GPC5: variants seen among roughly 807,000 people sequenced by gnomAD.
GPC5 encodes the protein glypican-5.
In GPC5, 47 loss-of-function variants were observed where a neutral mutation model predicts 53.9. The ratio of observed to expected loss-of-function variants is 0.87; its 90% CI spans 0.69 to 1.11. The LOEUF is 1.11. Ranked by LOEUF, GPC5 falls within the 50% of genes most tolerant of loss-of-function variation. GPC5 has a pLI of 0.00. For missense variants in GPC5, 748 were observed against 713.1 expected (o/e 1.05, Z -0.56); for synonymous variants, 286 against 263.3 (o/e 1.09, Z -0.84).
intron 6 of GPC5, among the ~76,000 whole-genome samples, chr13:91,956,164 C>G (rs926499176): frequency 2.6e-5 from 4 of 151,480 alleles, no homozygotes; most frequent in Non-Finnish European, 5.9e-5. Flanking sequence ...GTTCAGTTTT[C>G]TCCCCCCCAC....
At chr13:92,336,025 C>G (rs1403754092) in intron 7 of GPC5, among the ~76,000 whole-genome samples, 1 of 152,148 alleles carries the variant, frequency 6.6e-6, no homozygotes, top group African/African-American at 2.4e-5. Context: ...TTCCAGCTAG[C>G]AGTGGGCAAT....
intron 7 of GPC5, among the ~76,000 whole-genome samples, chr13:92,683,648 G>T (rs1304636030): frequency 6.6e-6 from 1 of 152,086 alleles, no homozygotes; most frequent in Admixed American, 6.5e-5. Flanking sequence ...GCATTTCAGT[G>T]TTGTTATTCA....
chr13:91,824,528 A>G (rs1367927806), intron 5 of GPC5, among the ~76,000 whole-genome samples: 1 of 152,152 alleles, frequency 6.6e-6, no homozygotes, highest in African/African-American at 2.4e-5. Flanking sequence ...TTAATGGTTT[A>G]TGATTTTGGA....
At chr13:92,724,903 C>CACACACAG (rs1555306847) in intron 7 of GPC5, among the ~76,000 whole-genome samples, 82 of 150,050 alleles carry the variant, frequency 5.5e-4, no homozygotes, top group African/African-American at 2.0e-3. Context: ...CACACACACA[C>CACACACAG]ACACACACAA....
At chr13:91,476,591 T>C (rs4773633) in intron 2 of GPC5, among the ~76,000 whole-genome samples, 16,250 of 152,192 alleles carry the variant, frequency 0.11, 1,050 homozygotes, top group East Asian at 0.15. Flanking sequence ...TTTTCTTCAA[T>C]AGTGATGCAG....
intron 7 of GPC5, among the ~76,000 whole-genome samples, chr13:92,774,402 A>G (rs1875724022): frequency 6.6e-6 from 1 of 152,154 alleles, no homozygotes; most frequent in Admixed American, 6.5e-5. Context: ...GGTGCATTGG[A>G]TAGTTTTTCC....
chr13:91,689,185 AT>A (rs1440334649), intron 2 of GPC5, among the ~76,000 whole-genome samples: 1 of 7,092 alleles, frequency 1.4e-4, no homozygotes, highest in Non-Finnish European at 2.8e-4. Flanking sequence ...TCATATATAA[AT>A]ATATATATAT....
chr13:91,464,969 T>G (rs852918), intron 2 of GPC5, among the ~76,000 whole-genome samples: 130,058 of 152,108 alleles, frequency 0.86, 56,274 homozygotes, highest in Non-Finnish European at 0.93. Flanking sequence ...TCTGTACATT[T>G]TTTTTTCTTT....
intron 7 of GPC5, among the ~76,000 whole-genome samples, chr13:92,518,630 A>C (rs942095912): frequency 6.6e-6 from 1 of 152,232 alleles, no homozygotes; most frequent in African/African-American, 2.4e-5. Flanking sequence ...TGAAGGAAAC[A>C]CTAAACATGG....
At chr13:91,661,291 T>C (rs1056464944) in intron 2 of GPC5, among the ~76,000 whole-genome samples, 3 of 152,222 alleles carry the variant, frequency 2.0e-5, no homozygotes, top group African/African-American at 7.2e-5. Flanking sequence ...GCAGAATATC[T>C]GGGCAGCATT....
intron 7 of GPC5, among the ~76,000 whole-genome samples, chr13:92,159,754 C>T (rs2041973304): frequency 6.6e-6 from 1 of 150,654 alleles, no homozygotes; most frequent in Admixed American, 6.6e-5. Context: ...AGGCGCCCGT[C>T]ACCACGCCCT....
intron 2 of GPC5, among the ~76,000 whole-genome samples, chr13:91,616,398 A>G (rs995633451): frequency 1.2e-4 from 18 of 152,246 alleles, no homozygotes; most frequent in African/African-American, 4.3e-4. Context: ...TGTTTCCTAT[A>G]AAGATGTCTA....
At chr13:91,833,411 A>G (rs1594604714) in intron 5 of GPC5, among the ~76,000 whole-genome samples, 1 of 152,162 alleles carries the variant, frequency 6.6e-6, no homozygotes, top group African/African-American at 2.4e-5. Context: ...CATCATCCTG[A>G]TAACAAAACC....
intron 7 of GPC5, among the ~76,000 whole-genome samples, chr13:92,663,591 A>ATC (rs925044573): frequency 1.9e-4 from 16 of 83,578 alleles, no homozygotes; most frequent in Admixed American, 9.2e-4. Context: ...ATATATATAT[A>ATC]TATCTACTAT....
At chr13:92,449,524 T>C (rs1199471551) in intron 7 of GPC5, among the ~76,000 whole-genome samples, 3 of 152,208 alleles carry the variant, frequency 2.0e-5, no homozygotes, top group Admixed American at 6.6e-5. Flanking sequence ...TGCTGTATTT[T>C]TATTAGAATA....
intron 7 of GPC5, among the ~76,000 whole-genome samples, chr13:92,773,695 G>A (rs1039898543): frequency 6.6e-6 from 1 of 152,108 alleles, no homozygotes; most frequent in East Asian, 1.9e-4. Flanking sequence ...CTTGCCACTT[G>A]ACTATCTAAT....
chr13:92,118,081 T>A (rs2041615254), intron 6 of GPC5, among the ~76,000 whole-genome samples: 1 of 151,856 alleles, frequency 6.6e-6, no homozygotes, highest in Non-Finnish European at 1.5e-5. Context: ...GCAGTTTTGG[T>A]TTTTTTGTTT....
At chr13:92,304,031 G>A (rs9301793) in intron 7 of GPC5, among the ~76,000 whole-genome samples, 16,371 of 152,008 alleles carry the variant, frequency 0.11, 1,324 homozygotes, top group African/African-American at 0.23. Context: ...CCATTCTATT[G>A]TTTACTGTTG....
chr13:92,516,182 A>C (rs1166691240), intron 7 of GPC5, among the ~76,000 whole-genome samples: 1 of 152,050 alleles, frequency 6.6e-6, no homozygotes, highest in Non-Finnish European at 1.5e-5. Flanking sequence ...TTAAATATAC[A>C]TTAATTATAA....
Sources: gnomAD v4.1 joint callset for allele counts (sites outside exome capture counted in the v4.1 genomes callset) on GRCh38, gnomAD v4.1.1 for gene constraint, MANE v1.5 for transcripts, NCBI Gene and HGNC (gene_info 2026-07-23, HGNC 2026-07-21) for gene names.